PRKCH: variants seen among roughly 807,000 people sequenced by gnomAD.
PRKCH encodes protein kinase C eta.
A neutral mutation model predicts 82.5 loss-of-function variants in PRKCH; 28 were observed. That is an observed-to-expected ratio of 0.34 (90% CI 0.25 to 0.47). PRKCH has a LOEUF of 0.47. Among genes scored for constraint, PRKCH ranks in the 20% least tolerant of loss-of-function variants. The pLI, the probability that PRKCH is intolerant of heterozygous loss-of-function variation, is 1.00. For synonymous variants in PRKCH, 322 were observed against 327.4 expected (o/e 0.98, Z 0.18); for missense variants, 705 against 881.8 (o/e 0.80, Z 2.54).
At chr14:61,442,130 T>C (rs892154327) in intron 2 of PRKCH, among the ~76,000 whole-genome samples, 25 of 152,352 alleles carry the variant, frequency 1.6e-4, no homozygotes, top group African/African-American at 5.5e-4. Flanking sequence ...TTTGTTTCAA[T>C]GATTAAAGCA....
At chr14:61,495,138 C>T (rs182975927) in intron 10 of PRKCH, among the ~76,000 whole-genome samples, 10 of 152,314 alleles carry the variant, frequency 6.6e-5, no homozygotes, top group Admixed American at 4.6e-4. Flanking sequence ...CTTTTCAGAC[C>T]ATTAGTGGAG....
intron 9 of PRKCH, among the ~76,000 whole-genome samples, chr14:61,481,696 C>T (rs547340088): frequency 2.0e-5 from 3 of 152,336 alleles, no homozygotes; most frequent in African/African-American, 7.2e-5. Context: ...CCCGATCCCA[C>T]AACAAAAAAC....
chr14:61,457,831 C>T (rs1189264824), intron 9 of PRKCH, 152 bp downstream of exon 9: 1 of 1,058,746 alleles, frequency 9.4e-7, no homozygotes, highest in East Asian at 2.4e-5. Context: ...TGACTTCTGC[C>T]AACCTCTGGA....
intron 1 of PRKCH, among the ~76,000 whole-genome samples, chr14:61,335,161 A>C (rs1227865856): frequency 6.6e-6 from 1 of 152,166 alleles, no homozygotes; most frequent in African/African-American, 2.4e-5. Context: ...AGACACCCAC[A>C]GGGTTGCCTC....
chr14:61,453,832 T>A (rs772635377), intron 7 of PRKCH, among the ~76,000 whole-genome samples: 26 of 152,066 alleles, frequency 1.7e-4, no homozygotes, highest in South Asian at 4.1e-4. Flanking sequence ...TTTTTATTTT[T>A]TTTTTTGTAG....
At chr14:61,207,979 A>G (rs1214389720) in intron 1 of PRKCH, among the ~76,000 whole-genome samples, 2 of 152,232 alleles carry the variant, frequency 1.3e-5, no homozygotes, top group Non-Finnish European at 2.9e-5. Context: ...GAACAAGCAA[A>G]TACCAAATGT....
chr14:61,268,249 T>A (rs1373462485), intron 1 of PRKCH, among the ~76,000 whole-genome samples: 1 of 152,194 alleles, frequency 6.6e-6, no homozygotes, highest in Non-Finnish European at 1.5e-5. Context: ...TTGATATACA[T>A]CCTGATTTTA....
chr14:61,469,940 A>C (rs1885424481), intron 9 of PRKCH, among the ~76,000 whole-genome samples: 1 of 152,052 alleles, frequency 6.6e-6, no homozygotes. Context: ...CCCTGCCCTC[A>C]TGAAACTGAC....
chr14:61,317,405 G>C (rs1190767768), upstream of PRKCH, among the ~76,000 whole-genome samples: 1 of 152,126 alleles, frequency 6.6e-6, no homozygotes, highest in East Asian at 1.9e-4. Flanking sequence ...CTAAGGACCT[G>C]TCCATGCCAA....
intron 2 of PRKCH, among the ~76,000 whole-genome samples, chr14:61,427,189 G>A (rs959517751): frequency 6.6e-6 from 1 of 152,154 alleles, no homozygotes; most frequent in African/African-American, 2.4e-5. Context: ...GTGCTTATAG[G>A]TTACAGGTGG....
rs760926523 is a variant in PRKCH, at chr14:61,280,413, G to A, written c.-19+92745G>A. The A allele has an allele frequency of 6.2e-7, 1 of 1,613,908 alleles. No individual in the cohort carries two copies. The highest frequency in any genetic ancestry group is 1.3e-5 in the African/African-American group (1 of 74,942). ...TCCACACCACGAAGTCCTGATTGAT[G>A]AAGCCGGTGTTGTTGGGGTCGGGGC... is the stretch of plus-strand genomic sequence containing the variant. On this transcript the variant is annotated intron_variant, in intron 1 of 3. Coordinates refer to the PRKCH transcript ENST00000555185. The surrounding 1 kb of genome is among the most constrained non-coding windows in gnomAD (Gnocchi z 5.0).
chr14:61,535,836 CA>C (rs1168510449), intron 12 of PRKCH, among the ~76,000 whole-genome samples: 1 of 152,132 alleles, frequency 6.6e-6, no homozygotes, highest in Non-Finnish European at 1.5e-5. Flanking sequence ...TGGGGAGAAA[CA>C]GATGAAACAA....
chr14:61,299,452 G>T (rs189501930), intron 1 of PRKCH, among the ~76,000 whole-genome samples: 1 of 145,958 alleles, frequency 6.9e-6, no homozygotes, highest in Admixed American at 7.0e-5. Flanking sequence ...AGATCTTATC[G>T]GGAAGCTGCG....
intron 9 of PRKCH, among the ~76,000 whole-genome samples, chr14:61,462,693 C>T (rs1720758785): frequency 6.6e-6 from 1 of 152,224 alleles, no homozygotes; most frequent in African/African-American, 2.4e-5. Flanking sequence ...CCTGGCTTCT[C>T]AAGTAAGATG....
At chr14:61,364,026 G>GTA (rs1453807886) in intron 1 of PRKCH, among the ~76,000 whole-genome samples, 4 of 145,682 alleles carry the variant, frequency 2.7e-5, no homozygotes, top group Admixed American at 6.9e-5. Context: ...ATATATATTT[G>GTA]TATATATATA....
intron 2 of PRKCH, among the ~76,000 whole-genome samples, chr14:61,440,560 T>A (rs1883910099): frequency 6.6e-6 from 1 of 152,172 alleles, no homozygotes; most frequent in Non-Finnish European, 1.5e-5. Context: ...TGACAGGTAT[T>A]GTCACATTGG....
rs576500657 is a variant in PRKCH, at chr14:61,419,981, G to A, written c.428-23130G>A. Among the ~76,000 whole-genome samples, 3 of 152,300 alleles carry A rather than the reference G, an allele frequency of 2.0e-5. No individual in the cohort carries two copies. In the East Asian group the frequency reaches 5.8e-4, roughly 29 times the overall value. ...CTGTGACTGACAGCCCAGTGATAGA[G>A]TCACCCTCACTGCACAAAATACTCA... On this transcript the variant is annotated intron_variant, in intron 2 of 13. Coordinates refer to ENST00000332981, the MANE Select transcript of PRKCH (RefSeq NM_006255.5).
Position 61,415,777 on chromosome 14 carries a change from A to G in PRKCH, c.427+24489A>G, listed in dbSNP as rs563369152. 2.0e-5 allele frequency among the ~76,000 whole-genome samples: 3 copies of G among 152,282 alleles called. No individual in the cohort carries two copies. The South Asian group carries it at 6.2e-4, about 32-fold the overall frequency. On this transcript the variant is annotated intron_variant, in intron 2 of 13. Transcript: ENST00000332981. ...TATTGTAAAACCATCACCACCATCC[A>G]TCTCCAGAATTCTTTTCATATTGCA...
intron 1 of PRKCH, among the ~76,000 whole-genome samples, chr14:61,197,995 A>C (rs2044452711): frequency 6.6e-6 from 1 of 152,184 alleles, no homozygotes; most frequent in African/African-American, 2.4e-5. Context: ...CAAAACTGGA[A>C]TCCCGTGAGG....
Sources: gnomAD v4.1 joint callset for allele counts (sites outside exome capture counted in the v4.1 genomes callset) on GRCh38, gnomAD v4.1.1 for gene constraint, Gnocchi (gnomAD v3.1) non-coding constraint, MANE v1.5 for transcripts, NCBI Gene and HGNC (gene_info 2026-07-23, HGNC 2026-07-21) for gene names.